The following GRIK2 variants were observed in gnomAD, a reference collection of about 807,000 sequenced individuals.
GRIK2 encodes the protein glutamate receptor ionotropic, kainate 2.
Under a neutral mutation model 100.3 loss-of-function variants are expected in GRIK2, and 32 were observed. That is an observed-to-expected ratio of 0.32 (90% CI 0.24 to 0.43). The LOEUF (loss-of-function observed/expected upper bound fraction) is 0.43, where lower values mean the gene tolerates loss of function less well. Ranked by LOEUF, GRIK2 falls within the 20% of genes least tolerant of loss-of-function variation. The pLI, the probability that GRIK2 is intolerant of heterozygous loss-of-function variation, is 1.00. For missense variants in GRIK2, 843 were observed against 1,114.9 expected (o/e 0.76, Z 3.47); for synonymous variants, 417 against 389.4 (o/e 1.07, Z -0.83).
intron 5 of GRIK2, among the ~76,000 whole-genome samples, chr6:101,679,173 G>A (rs1013364910): frequency 6.6e-6 from 1 of 152,102 alleles, no homozygotes; most frequent in African/African-American, 2.4e-5. Flanking sequence ...TTTTAGCCTG[G>A]AAAAAATGTA....
intron 7 of GRIK2, among the ~76,000 whole-genome samples, chr6:101,723,435 A>G (rs1471478393): frequency 1.3e-5 from 2 of 152,036 alleles, no homozygotes; most frequent in Non-Finnish European, 2.9e-5. Flanking sequence ...CAAAAATAAT[A>G]GTAGATTGCA....
At chr6:102,039,271 G>A (rs758936196) in intron 15 of GRIK2, among the ~76,000 whole-genome samples, 1 of 151,480 alleles carries the variant, frequency 6.6e-6, no homozygotes, top group African/African-American at 2.4e-5. Context: ...TGATGTGAAA[G>A]TAAATGCTAA....
At chr6:101,428,607 T>G (rs1403272586) in intron 2 of GRIK2, among the ~76,000 whole-genome samples, 1 of 152,214 alleles carries the variant, frequency 6.6e-6, no homozygotes, top group Non-Finnish European at 1.5e-5. Context: ...GTAAGGAAAT[T>G]ATTAACATTA....
intron 7 of GRIK2, among the ~76,000 whole-genome samples, chr6:101,780,745 TGAA>T (rs1349168694): frequency 6.6e-6 from 1 of 152,160 alleles, no homozygotes; most frequent in Non-Finnish European, 1.5e-5. Flanking sequence ...TAAGAGAGGA[TGAA>T]GATTTAGCAA....
At chr6:101,704,353 G>T (rs1317969507) in intron 7 of GRIK2, among the ~76,000 whole-genome samples, 1 of 151,606 alleles carries the variant, frequency 6.6e-6, no homozygotes, top group Non-Finnish European at 1.5e-5. Context: ...TTCTCCAAGG[G>T]GGTGAAAATT....
chr6:101,822,767 G>C (rs1029772973), intron 10 of GRIK2, among the ~76,000 whole-genome samples: 9 of 151,814 alleles, frequency 5.9e-5, no homozygotes, highest in Admixed American at 2.0e-4. Context: ...AGGTTAGAAA[G>C]CTGATGTTTA....
chr6:101,855,141 G>A (rs1735579329), intron 10 of GRIK2, among the ~76,000 whole-genome samples: 1 of 152,144 alleles, frequency 6.6e-6, no homozygotes. Context: ...AGAAAATAGA[G>A]TTGGAGAGAG....
chr6:101,692,039 CAAAAA>C (rs60210939), intron 7 of GRIK2, among the ~76,000 whole-genome samples: 4 of 78,390 alleles, frequency 5.1e-5, no homozygotes, highest in African/African-American at 1.5e-4. Context: ...CACCCCGTCT[CAAAAA>C]AAAAAAAAAA....
intron 13 of GRIK2, among the ~76,000 whole-genome samples, chr6:101,926,875 A>C (rs1789937351): frequency 1.3e-5 from 2 of 152,180 alleles, no homozygotes. Flanking sequence ...ATTTATGTCA[A>C]ATGTCTCCAC....
intron 2 of GRIK2, among the ~76,000 whole-genome samples, chr6:101,479,746 T>A (rs1772431112): frequency 6.6e-6 from 1 of 152,210 alleles, no homozygotes; most frequent in Non-Finnish European, 1.5e-5. Flanking sequence ...AGTGCTTACA[T>A]GTCTTTTTAA....
At chr6:101,910,346 A>G (rs1003036589) in intron 12 of GRIK2, among the ~76,000 whole-genome samples, 3 of 151,206 alleles carry the variant, frequency 2.0e-5, no homozygotes, top group Non-Finnish European at 1.5e-5. Flanking sequence ...TGGTTTTTTT[A>G]AATCTTGATT....
At chr6:101,773,692 C>T (rs1778555222) in intron 7 of GRIK2, among the ~76,000 whole-genome samples, 3 of 152,092 alleles carry the variant, frequency 2.0e-5, no homozygotes, top group Admixed American at 1.3e-4. Flanking sequence ...ATTTAAAAAG[C>T]TTTATAATTC....
intron 7 of GRIK2, among the ~76,000 whole-genome samples, chr6:101,743,017 G>A (rs1366151088): frequency 2.0e-5 from 3 of 152,144 alleles, no homozygotes; most frequent in African/African-American, 7.2e-5. Flanking sequence ...GGTAACTGGC[G>A]ATCTATACGA....
At chr6:101,831,633 CTG>C (rs1383201273) in intron 10 of GRIK2, among the ~76,000 whole-genome samples, 1 of 152,030 alleles carries the variant, frequency 6.6e-6, no homozygotes, top group Non-Finnish European at 1.5e-5. Flanking sequence ...TATCAATCAA[CTG>C]TTATTATTAT....
intron 15 of GRIK2, among the ~76,000 whole-genome samples, chr6:102,041,508 G>C (rs1320464743): frequency 2.6e-5 from 4 of 151,484 alleles, no homozygotes; most frequent in Admixed American, 6.6e-5. Flanking sequence ...CTTTGCATTT[G>C]CTGACCCTCA....
Position 101,972,719 on chromosome 6 carries a change from T to C in GRIK2, c.2085+44087T>C, listed in dbSNP as rs569677598. On this transcript the variant is annotated intron_variant, in intron 14 of 16. Coordinates refer to ENST00000369134, the MANE Select transcript of GRIK2 (RefSeq NM_021956.5). Reference sequence around the variant, plus strand: ...CTTTAATTAATCTTGGGTTGATTTTTATATATGGTGAAAGGTAGGAGTATG... The same window carrying C: ...CTTTAATTAATCTTGGGTTGATTTTCATATATGGTGAAAGGTAGGAGTATG... 3.9e-5 allele frequency among the ~76,000 whole-genome samples: 6 copies of C among 152,042 alleles called. No homozygotes were observed. In the South Asian group the frequency reaches 1.2e-3, roughly 32 times the overall value.
intron 10 of GRIK2, among the ~76,000 whole-genome samples, chr6:101,858,376 ATTTTTTTTTCTT>A (rs1386202007): frequency 1.6e-5 from 2 of 125,468 alleles, no homozygotes; most frequent in African/African-American, 3.0e-5. Context: ...CTCTCTCTCT[ATTTTTTTTTCTT>A]TTTTTTTTTT....
intron 2 of GRIK2, among the ~76,000 whole-genome samples, chr6:101,471,168 C>T (rs1215914468): frequency 6.6e-6 from 1 of 152,050 alleles, no homozygotes; most frequent in Non-Finnish European, 1.5e-5. Context: ...AATCTAGGCT[C>T]TTTTCAGTGA....
At chr6:101,451,716 A>T (rs1171381154) in intron 2 of GRIK2, among the ~76,000 whole-genome samples, 2 of 149,452 alleles carry the variant, frequency 1.3e-5, no homozygotes, top group Non-Finnish European at 3.0e-5. Context: ...GGTGCCAAAT[A>T]CCTCCCACTT....
Sources: allele counts gnomAD v4.1 joint callset (sites outside exome capture counted in the v4.1 genomes callset), GRCh38; gene constraint gnomAD v4.1.1; transcripts MANE v1.5; gene names NCBI Gene and HGNC (gene_info 2026-07-23, HGNC 2026-07-21).